The following PSEN1 variants were observed in gnomAD, a reference collection of about 807,000 sequenced individuals.
The protein encoded by PSEN1 is presenilin-1.
Under a neutral mutation model 53.5 loss-of-function variants are expected in PSEN1, and 15 were observed. The observed-to-expected ratio is 0.28, with a 90% CI of 0.19 to 0.43. The LOEUF is 0.43. PSEN1 is among the 20% of genes least tolerant of loss of function. PSEN1 has a pLI of 1.00. For missense variants in PSEN1, 387 were observed against 571.2 expected (o/e 0.68, Z 3.29); for synonymous variants, 208 against 209.8 (o/e 0.99, Z 0.08).
intron 1 of PSEN1, among the ~76,000 whole-genome samples, chr14:73,144,454 A>T (rs886490591): frequency 5.9e-5 from 9 of 152,234 alleles, no homozygotes; most frequent in African/African-American, 2.2e-4. Flanking sequence ...TTAAGATCTC[A>T]TTTACTTCTA....
chr14:73,169,896 T>G (rs1022033902), intron 3 of PSEN1, among the ~76,000 whole-genome samples: 2 of 152,196 alleles, frequency 1.3e-5, no homozygotes, highest in Non-Finnish European at 2.9e-5. Context: ...TCTGCCCACC[T>G]TGGCCTCCCA....
intron 3 of PSEN1, among the ~76,000 whole-genome samples, chr14:73,157,740 C>G (rs562376197): frequency 6.6e-5 from 10 of 152,222 alleles, no homozygotes; most frequent in African/African-American, 2.2e-4. Flanking sequence ...CACGGTGGCT[C>G]ATGCCTGTAA....
At chr14:73,148,180 G>A in intron 3 of PSEN1, 74 bp downstream of exon 3, 2 of 1,159,750 alleles carry the variant, frequency 1.7e-6, no homozygotes, top group South Asian at 2.6e-5. Context: ...TCTGAGAAAT[G>A]CTGAGGGGGC....
At position 73,222,624 on chromosome 14, in the gene PSEN1, CTG is replaced by C. The variant is rs1900139178; in HGVS notation, c.*3336_*3337del. On this transcript the variant is annotated 3_prime_UTR_variant, in exon 12 of 12. Coordinates refer to ENST00000324501, the MANE Select transcript of PSEN1 (RefSeq NM_000021.4). ...TCTGTGTTCCCGTAGGTTCTGGAGT[CTG>C]AGGATGCAAAGATGAATAAGATAAA... 6.6e-6 allele frequency: 1 copy of C among 152,186 alleles called. No individual in the cohort carries two copies. The highest frequency in any genetic ancestry group is 2.1e-4 in the South Asian group (1 of 4,830). The allele number at this position is 152,186 out of a possible 1,614,324, so 9.4% of individuals were successfully genotyped here.
At chr14:73,208,713 G>T (rs945770829) in intron 9 of PSEN1, 2 of 390,472 alleles carry the variant, frequency 5.1e-6, no homozygotes, top group Non-Finnish European at 1.0e-5. Context: ...CCCAGAAAAT[G>T]CACCATAAGT....
At chr14:73,174,228 G>A (rs1897980105) in intron 5 of PSEN1, 1 of 164,094 alleles carries the variant, frequency 6.1e-6, no homozygotes, top group African/African-American at 2.4e-5. Flanking sequence ...GTGGGTTTTT[G>A]TTTGTTTGTT....
chr14:73,175,758 T>A (rs1429320352), intron 5 of PSEN1, among the ~76,000 whole-genome samples: 1 of 152,260 alleles, frequency 6.6e-6, no homozygotes. Context: ...TCTGTCTTTA[T>A]GCTTAGAGCT....
At chr14:73,162,236 C>A (rs1484929251) in intron 3 of PSEN1, among the ~76,000 whole-genome samples, 1 of 151,280 alleles carries the variant, frequency 6.6e-6, no homozygotes, top group African/African-American at 2.4e-5. Flanking sequence ...ACTCAACCAT[C>A]CTGATAATAA....
intron 5 of PSEN1, among the ~76,000 whole-genome samples, chr14:73,186,111 G>A (rs190296731): frequency 1.2e-3 from 181 of 152,234 alleles, no homozygotes; most frequent in Non-Finnish European, 2.2e-3. Context: ...GGCTAGGTGC[G>A]GTGGCAACCT....
chr14:73,183,358 AG>A (rs1209184060), intron 5 of PSEN1, among the ~76,000 whole-genome samples: 24 of 151,968 alleles, frequency 1.6e-4, no homozygotes, highest in African/African-American at 5.8e-4. Flanking sequence ...GGGATTTGGC[AG>A]GGTCATAGGA....
intron 7 of PSEN1, among the ~76,000 whole-genome samples, chr14:73,193,600 C>G (rs1342474042): frequency 6.7e-6 from 1 of 149,218 alleles, no homozygotes; most frequent in African/African-American, 2.5e-5. Context: ...GTGGTAGACA[C>G]ACAAAATGCT....
At chr14:73,176,652 T>G (rs1898056065) in intron 5 of PSEN1, among the ~76,000 whole-genome samples, 1 of 152,256 alleles carries the variant, frequency 6.6e-6, no homozygotes, top group Admixed American at 6.5e-5. Flanking sequence ...TTTAAGCATG[T>G]AAAGGTTTTC....
chr14:73,213,540 C>T (rs1037066529), intron 10 of PSEN1, among the ~76,000 whole-genome samples: 4 of 152,158 alleles, frequency 2.6e-5, no homozygotes, highest in African/African-American at 7.2e-5. Flanking sequence ...CACGTGTCAC[C>T]ATCTCTGATG....
At chr14:73,204,738 A>G (rs1899380634) in intron 8 of PSEN1, among the ~76,000 whole-genome samples, 2 of 152,170 alleles carry the variant, frequency 1.3e-5, no homozygotes, top group Non-Finnish European at 2.9e-5. Flanking sequence ...CCAAAAGGCT[A>G]TGGAAATCCA....
At chr14:73,146,494 A>G (rs1454896551) in intron 1 of PSEN1, among the ~76,000 whole-genome samples, 2 of 152,188 alleles carry the variant, frequency 1.3e-5, no homozygotes, top group African/African-American at 4.8e-5. Context: ...CGCTGATCTC[A>G]TGCTAGCTGA....
chr14:73,219,152 T>C lies in PSEN1; in HGVS notation c.1267T>C (p.Leu423=), dbSNP rs1288610066. Residue 423 remains leucine, a synonymous_variant, in exon 12 of 12, where the codon TTA becomes CTA. Coordinates refer to ENST00000324501, the MANE Select transcript of PSEN1 (RefSeq NM_000021.4). ...TCCACAGGGTTTGTGCCTTACATTA[T>C]TACTCCTTGCCATTTTCAAGAAAGC... ...AILIGLCLTL[L]LLAIFKKALP... is the part of the protein sequence containing the mutation. 1 of 1,614,024 alleles carries C rather than the reference T, an allele frequency of 6.2e-7. No homozygotes were observed. Among genetic ancestry groups the C allele is most frequent in the Non-Finnish European group, 8.5e-7 (1 of 1,179,964 alleles).
At chr14:73,142,066 C>CA (rs763426257) in intron 1 of PSEN1, among the ~76,000 whole-genome samples, 1,846 of 83,740 alleles carry the variant, frequency 0.022, 24 homozygotes, top group African/African-American at 0.053. Context: ...GACTCCGTCT[C>CA]AAAAAAAAAA....
Position 73,140,202 on chromosome 14 carries a change from CTTTTTTTTT to C in PSEN1, c.-136+3637_-136+3645del, listed in dbSNP as rs35223948. On this transcript the variant is annotated intron_variant, in intron 1 of 11. Transcript: ENST00000324501. ...AAAAGGTTTTTCTTTTTTTGCTATT[CTTTTTTTTT>C]TTTTTTTTTTTTTTTTTGAGACAGA... is the stretch of plus-strand genomic sequence containing the variant. Among the ~76,000 whole-genome samples, 79 of 73,052 alleles carry C rather than the reference CTTTTTTTTT, an allele frequency of 1.1e-3. 1 individual carries two copies. Among genetic ancestry groups the C allele is most frequent in the Middle Eastern group, 0.014 (1 of 74 alleles). The allele number at this position is 73,052 out of a possible 152,430, so 47.9% of individuals were successfully genotyped here.
At chr14:73,159,486 C>T (rs146875208) in intron 3 of PSEN1, among the ~76,000 whole-genome samples, 1 of 152,022 alleles carries the variant, frequency 6.6e-6, no homozygotes, top group African/African-American at 2.4e-5. Context: ...GGTCTGTGAT[C>T]CTTTTGAAGT....
Sources: allele counts gnomAD v4.1 joint callset (sites outside exome capture counted in the v4.1 genomes callset), GRCh38; gene constraint gnomAD v4.1.1; transcripts MANE v1.5; gene names NCBI Gene and HGNC (gene_info 2026-07-23, HGNC 2026-07-21).